The following SDK1 variants were observed in gnomAD, a reference collection of about 807,000 sequenced individuals.
SDK1 encodes the protein protein sidekick-1.
In SDK1, 157 loss-of-function variants were observed where a neutral mutation model predicts 245.5. That is an observed-to-expected ratio of 0.64 (90% confidence interval 0.56 to 0.73). The LOEUF (loss-of-function observed/expected upper bound fraction) is 0.73. Ranked by LOEUF, SDK1 falls within the 30% of genes least tolerant of loss-of-function variation. SDK1 has a pLI of 0.00. For missense variants in SDK1, 3,583 were observed against 3,002.3 expected, an observed-to-expected ratio of 1.19 and a Z score of -4.52; for synonymous variants, 1,647 against 1,278.5, an observed-to-expected ratio of 1.29 and a Z score of -6.15.
chr7:3,816,549 G>T (rs986018337), intron 4 of SDK1, among the ~76,000 whole-genome samples: 40 of 151,514 alleles, frequency 2.6e-4, no homozygotes, highest in African/African-American at 9.0e-4. Flanking sequence ...AAACCAGGAA[G>T]AAGTTGAATC....
chr7:3,454,045 A>G (rs1450752637), intron 1 of SDK1, among the ~76,000 whole-genome samples: 1 of 152,146 alleles, frequency 6.6e-6, no homozygotes, highest in Non-Finnish European at 1.5e-5. Context: ...GAACTTTGTC[A>G]TTTTCATTAA....
At chr7:3,710,345 C>G (rs1785013953) in intron 4 of SDK1, among the ~76,000 whole-genome samples, 1 of 152,186 alleles carries the variant, frequency 6.6e-6, no homozygotes, top group Non-Finnish European at 1.5e-5. Flanking sequence ...CACTTAGTAA[C>G]TTTCTTGTTG....
intron 28 of SDK1, among the ~76,000 whole-genome samples, chr7:4,133,832 C>G (rs368752914): frequency 6.6e-6 from 1 of 152,132 alleles, no homozygotes; most frequent in African/African-American, 2.4e-5. Context: ...CCAGACACCC[C>G]GATTCGGCTA....
At chr7:3,461,169 C>T (rs751138588) in intron 1 of SDK1, among the ~76,000 whole-genome samples, 1 of 152,128 alleles carries the variant, frequency 6.6e-6, no homozygotes, top group South Asian at 2.1e-4. Context: ...TAGAAGTGTG[C>T]AGACCCTAGG....
intron 1 of SDK1, among the ~76,000 whole-genome samples, chr7:3,548,050 C>G (rs750894083): frequency 3.9e-5 from 6 of 152,122 alleles, no homozygotes; most frequent in South Asian, 2.1e-4. Flanking sequence ...ATTTGTCTCC[C>G]CAGTTTTTGA....
intron 9 of SDK1, 81 bp from the exon 10 acceptor site, chr7:3,967,237 G>A (rs1200139971): frequency 3.7e-6 from 4 of 1,077,956 alleles, no homozygotes; most frequent in Non-Finnish European, 5.7e-6. Context: ...GCTCTCTAAA[G>A]CCCGTGCAGG....
chr7:4,211,096 G>A (rs1009632901), intron 38 of SDK1, among the ~76,000 whole-genome samples: 1 of 152,146 alleles, frequency 6.6e-6, no homozygotes, highest in Non-Finnish European at 1.5e-5. Context: ...GAGTGACACA[G>A]GAGCAGGAGG....
At chr7:3,579,844 A>C (rs1221557749) in intron 1 of SDK1, among the ~76,000 whole-genome samples, 1 of 152,246 alleles carries the variant, frequency 6.6e-6, no homozygotes, top group Non-Finnish European at 1.5e-5. Context: ...ATGATTCTAC[A>C]TAAAAAAACT....
chr7:3,875,400 A>C (rs999078473), intron 5 of SDK1, among the ~76,000 whole-genome samples: 8 of 152,178 alleles, frequency 5.3e-5, no homozygotes, highest in Admixed American at 5.2e-4. Context: ...CAGAAAACCA[A>C]ATCGTTCTTT....
At chr7:3,633,615 TAAAA>T (rs1272746650) in intron 2 of SDK1, among the ~76,000 whole-genome samples, 1 of 152,106 alleles carries the variant, frequency 6.6e-6, no homozygotes, top group East Asian at 1.9e-4. Context: ...TCTTTTTTCA[TAAAA>T]AAAGAAATGA....
chr7:3,676,609 G>A (rs750076394), intron 4 of SDK1, among the ~76,000 whole-genome samples: 5 of 152,158 alleles, frequency 3.3e-5, no homozygotes, highest in Admixed American at 2.6e-4. Flanking sequence ...ACAGGCGTGA[G>A]CCACCACGCC....
intron 4 of SDK1, among the ~76,000 whole-genome samples, chr7:3,642,376 T>G (rs1782677568): frequency 6.6e-6 from 1 of 152,216 alleles, no homozygotes; most frequent in South Asian, 2.1e-4. Flanking sequence ...AGTCCATTTT[T>G]TTCTTTTCTG....
intron 1 of SDK1, among the ~76,000 whole-genome samples, chr7:3,367,464 T>G (rs1464183118): frequency 1.3e-5 from 2 of 152,238 alleles, no homozygotes; most frequent in African/African-American, 2.4e-5. Context: ...GTTTCTTTCC[T>G]CAGTCAATAC....
intron 30 of SDK1, among the ~76,000 whole-genome samples, chr7:4,152,778 G>C (rs1053866562): frequency 7.2e-5 from 11 of 152,364 alleles, no homozygotes; most frequent in Middle Eastern, 3.4e-3. Flanking sequence ...ACTTTCACCA[G>C]TTGTGTGACA....
chr7:3,512,654 ATGT>A (rs1782620982), intron 1 of SDK1, among the ~76,000 whole-genome samples: 1 of 152,220 alleles, frequency 6.6e-6, no homozygotes, highest in East Asian at 1.9e-4. Context: ...TTCTAGTGAT[ATGT>A]TGTTGTTGAT....
chr7:3,694,087 G>C (rs1262005271), intron 4 of SDK1, among the ~76,000 whole-genome samples: 1 of 152,116 alleles, frequency 6.6e-6, no homozygotes, highest in East Asian at 1.9e-4. Flanking sequence ...TACCTGTCTT[G>C]CCCAAAAGTG....
At chr7:3,784,524 A>G (rs1780842119) in intron 4 of SDK1, among the ~76,000 whole-genome samples, 1 of 152,152 alleles carries the variant, frequency 6.6e-6, no homozygotes, top group Non-Finnish European at 1.5e-5. Context: ...AGAATACAAA[A>G]AATTCTAATT....
chr7:4,108,831 C>T (rs1322644221), intron 22 of SDK1, among the ~76,000 whole-genome samples: 2 of 152,148 alleles, frequency 1.3e-5, no homozygotes, highest in African/African-American at 4.8e-5. Flanking sequence ...CACTTCCCAT[C>T]CCCTCCTCTC....
intron 1 of SDK1, among the ~76,000 whole-genome samples, chr7:3,304,251 G>C (rs981698232): frequency 6.6e-6 from 1 of 152,106 alleles, no homozygotes. Flanking sequence ...GTGTTTAATT[G>C]CTTGTGACTT....
Sources: allele counts gnomAD v4.1 joint callset (sites outside exome capture counted in the v4.1 genomes callset), GRCh38; gene constraint gnomAD v4.1.1; transcripts MANE v1.5; gene names NCBI Gene and HGNC (gene_info 2026-07-23, HGNC 2026-07-21).